The following TXNDC8 variants were observed in gnomAD, a reference collection of about 807,000 sequenced individuals.
The protein encoded by TXNDC8 is thioredoxin domain containing 8.
TXNDC8 carries 15 observed loss-of-function variants against 12.9 expected under a neutral mutation model. The ratio of observed to expected loss-of-function variants is 1.16; its 90% CI spans 0.78 to 1.79. The LOEUF is 1.79. Among genes scored for constraint, TXNDC8 ranks in the 40% most tolerant of loss-of-function variants. The pLI, the probability that TXNDC8 is intolerant of heterozygous loss-of-function variation, is 0.00. For synonymous variants in TXNDC8, 40 were observed against 35.4 expected, an observed-to-expected ratio of 1.13 and a Z score of -0.46; for missense variants, 128 against 113.2, an observed-to-expected ratio of 1.13 and a Z score of -0.59.
At chr9:110,316,481 CT>C (rs1238361866) in intron 3 of TXNDC8, among the ~76,000 whole-genome samples, 7 of 152,136 alleles carry the variant, frequency 4.6e-5, no homozygotes, top group Non-Finnish European at 1.0e-4. Flanking sequence ...TCCCCTTTGA[CT>C]TTCACAAGAC....
chr9:110,316,887 G>A (rs911003388), intron 3 of TXNDC8, among the ~76,000 whole-genome samples: 2 of 152,212 alleles, frequency 1.3e-5, no homozygotes, highest in East Asian at 3.8e-4. Flanking sequence ...CAAATTTGCT[G>A]TTGTAATGCT....
chr9:110,305,718 TTTC>T (rs1377605225), intron 3 of TXNDC8, among the ~76,000 whole-genome samples: 2 of 138,072 alleles, frequency 1.4e-5, no homozygotes, highest in Admixed American at 7.7e-5. Context: ...CTTCTTTTTC[TTTC>T]TTTCTTTCCT....
rs769061073 is a variant in TXNDC8 at position 110,326,166 on chromosome 9, G to A, written c.195+9C>T. 2.5e-6 allele frequency: 4 copies of A among 1,614,016 alleles called. No individual in the cohort carries two copies. Among genetic ancestry groups the A allele is most frequent in the Non-Finnish European group, 3.4e-6 (4 of 1,179,922 alleles). On this transcript the variant is annotated intron_variant, in intron 3 of 4. Transcript: ENST00000423740. ...TAATTCAACCCTGCTGGTTACCCTG[G>A]AAACATACCTTCTGGCTTTTCTTGA...
chr9:110,307,004 C>T (rs573069803), intron 3 of TXNDC8, among the ~76,000 whole-genome samples: 16 of 151,996 alleles, frequency 1.1e-4, no homozygotes, highest in African/African-American at 3.4e-4. Context: ...TGCAGTGATG[C>T]GATCATAGTT....
At chr9:110,329,454 G>A (rs551801260) in intron 2 of TXNDC8, among the ~76,000 whole-genome samples, 163 bp from the exon 3 acceptor site, 2 of 152,326 alleles carry the variant, frequency 1.3e-5, no homozygotes, top group Non-Finnish European at 2.9e-5. Context: ...GAAGCATCAA[G>A]TCAAATACCA....
chr9:110,303,421 G>C, downstream of TXNDC8: 1 of 1,328,386 alleles, frequency 7.5e-7, no homozygotes, highest in Non-Finnish European at 1.0e-6. Context: ...TTAGGAGAGA[G>C]ACCAGTGGAA....
intron 3 of TXNDC8, among the ~76,000 whole-genome samples, chr9:110,318,174 G>A (rs79176124): frequency 4.6e-5 from 7 of 152,276 alleles, no homozygotes; most frequent in East Asian, 1.9e-4. Context: ...CATAGCTACC[G>A]GAAGTTCATT....
At chr9:110,308,437 T>G (rs957244766) in intron 3 of TXNDC8, among the ~76,000 whole-genome samples, 3 of 151,862 alleles carry the variant, frequency 2.0e-5, no homozygotes, top group African/African-American at 7.3e-5. Context: ...AATTTCTCCT[T>G]ACCATTAGCA....
At chr9:110,328,668 T>C (rs897566503) in intron 2 of TXNDC8, among the ~76,000 whole-genome samples, 1 of 152,032 alleles carries the variant, frequency 6.6e-6, no homozygotes, top group Non-Finnish European at 1.5e-5. Context: ...TAGCCGGGCG[T>C]GGTGGCACAT....
intron 3 of TXNDC8, chr9:110,323,354 A>G: frequency 1.0e-6 from 1 of 985,176 alleles, no homozygotes; most frequent in Non-Finnish European, 1.2e-6. Flanking sequence ...AGATAAAGTC[A>G]AAAGAGAAGA....
intron 3 of TXNDC8, among the ~76,000 whole-genome samples, chr9:110,318,805 G>A (rs1047450826): frequency 1.3e-5 from 2 of 152,018 alleles, no homozygotes; most frequent in Admixed American, 1.3e-4. Flanking sequence ...ATGTTAATAA[G>A]TATTATATAA....
chr9:110,331,414 T>A (rs1343060058), intron 2 of TXNDC8, among the ~76,000 whole-genome samples: 1 of 152,168 alleles, frequency 6.6e-6, no homozygotes, highest in Non-Finnish European at 1.5e-5. Context: ...AATGTTAGAA[T>A]CTCCACAGGT....
chr9:110,323,276 G>T, intron 3 of TXNDC8: 1 of 985,382 alleles, frequency 1.0e-6, no homozygotes, highest in Non-Finnish European at 1.2e-6. Context: ...CAAAAAGATA[G>T]ATATCCAAAA....
intron 2 of TXNDC8, 151 bp from the exon 3 acceptor site, chr9:110,329,442 C>T (rs1461535296): frequency 3.2e-6 from 2 of 632,134 alleles, no homozygotes; most frequent in Non-Finnish European, 5.4e-6. Context: ...AGCCTAGAGC[C>T]TGAAGCATCA....
chr9:110,327,787 G>C (rs1839392774), intron 2 of TXNDC8, among the ~76,000 whole-genome samples: 1 of 152,180 alleles, frequency 6.6e-6, no homozygotes, highest in Admixed American at 6.5e-5. Flanking sequence ...AGGATTGGGG[G>C]GTGGAGGATG....
intron 3 of TXNDC8, among the ~76,000 whole-genome samples, chr9:110,324,523 T>C (rs1174605970): frequency 6.6e-6 from 1 of 151,818 alleles, no homozygotes; most frequent in Non-Finnish European, 1.5e-5. Flanking sequence ...AATTATTCTT[T>C]ATAACTTTTT....
downstream of TXNDC8, among the ~76,000 whole-genome samples, chr9:110,301,490 T>C (rs1838269722): frequency 6.6e-6 from 1 of 152,224 alleles, no homozygotes; most frequent in Non-Finnish European, 1.5e-5. Flanking sequence ...CTTTTCAGCC[T>C]CTTGCTTTTC....
rs555956326 is a variant in TXNDC8, at chr9:110,337,524, C to T, written c.24+249G>A. ...GTACTAGGAGCTGGTCTGGGATTCA[C>T]CTGAAGTCAGGCAGGAAATAAAAGT... On this transcript the variant is annotated intron_variant, in intron 1 of 4. Transcript: ENST00000423740. 3.9e-5 allele frequency among the ~76,000 whole-genome samples: 6 copies of T among 152,282 alleles called. No homozygotes were observed. The East Asian group carries it at 9.6e-4, about 24-fold the overall frequency.
chr9:110,318,606 C>T (rs2118786739), intron 3 of TXNDC8, among the ~76,000 whole-genome samples: 1 of 152,244 alleles, frequency 6.6e-6, no homozygotes, highest in East Asian at 1.9e-4. Context: ...GGCATCATGG[C>T]TGGCACCTGT....
Sources: gnomAD v4.1 joint callset for allele counts (sites outside exome capture counted in the v4.1 genomes callset) on GRCh38, gnomAD v4.1.1 for gene constraint, MANE v1.5 for transcripts, NCBI Gene and HGNC (gene_info 2026-07-23, HGNC 2026-07-21) for gene names.